The following KIF2C variants were observed in gnomAD, a reference collection of about 807,000 sequenced individuals.
The protein encoded by KIF2C is kinesin family member 2C.
In KIF2C, 34 loss-of-function variants were observed where a neutral mutation model predicts 97.4. The observed-to-expected ratio is 0.35, with a 90% confidence interval of 0.27 to 0.46. The LOEUF is 0.46. Among genes scored for constraint, KIF2C ranks in the 20% least tolerant of loss-of-function variants. The pLI is 1.00. For synonymous variants in KIF2C, 313 were observed against 318.2 expected (o/e 0.98, Z 0.17); for missense variants, 750 against 907.6 (o/e 0.83, Z 2.23).
At chr1:44,762,253 G>T in intron 17 of KIF2C, 93 bp from the exon 18 acceptor site, 1 of 1,176,094 alleles carries the variant, frequency 8.5e-7, no homozygotes, top group Non-Finnish European at 1.3e-6. Flanking sequence ...CCATCCCCTT[G>T]GAGCCTCAAG....
At chr1:44,755,515 C>T (rs1305820301) in intron 8 of KIF2C, among the ~76,000 whole-genome samples, 2 of 151,826 alleles carry the variant, frequency 1.3e-5, no homozygotes, top group African/African-American at 2.4e-5. Context: ...CTGCCCACCT[C>T]AGCCTCCCAA....
chr1:44,746,798 T>A (rs1420534938), intron 2 of KIF2C: 10 of 1,579,760 alleles, frequency 6.3e-6, no homozygotes, highest in African/African-American at 1.3e-5. Flanking sequence ...GTTTTATAGC[T>A]ATTCATACTT....
At position 44,762,451 on chromosome 1, in the gene KIF2C, T is replaced by C. The variant is rs768166996; in HGVS notation, c.1857T>C (p.Asn619=). The change falls in exon 18 of 21, where the codon AAT becomes AAC. Residue 619 remains asparagine (N), a splice_region_variant and synonymous_variant. Coordinates refer to ENST00000372224, the MANE Select transcript of KIF2C (RefSeq NM_006845.4). ...ACSNGALIPG[N]LSKEEEELSS... is the part of the protein sequence containing the mutation. ...CTAACGGGGCGCTGATTCCAGGCAA[T>C]GTAAGGACCAGGATGCGGCCAAGCA... 13 of 1,613,870 alleles carry C rather than the reference T, an allele frequency of 8.1e-6. No individual in the cohort carries two copies. The highest frequency in any genetic ancestry group is 1.0e-5 in the Non-Finnish European group (12 of 1,179,874).
At position 44,756,127 on chromosome 1, in the gene KIF2C, C is replaced by T. The variant is rs1472487305; in HGVS notation, c.867C>T (p.Leu289=). Reference sequence around the variant, plus strand: ...TTTCCATTCCTAGCAAGTGTCTCCTCTTGGTACATGAACCCAAGTTGAAAG... The same window carrying T: ...TTTCCATTCCTAGCAAGTGTCTCCTTTTGGTACATGAACCCAAGTTGAAAG... ...DVISIPSKCL[L]LVHEPKLKVD... Residue 289 remains leucine (L), a synonymous_variant, in exon 10 of 21, where the codon CTC becomes CTT. Transcript: ENST00000372224. 1.9e-6 allele frequency: 3 copies of T among 1,614,212 alleles called. No homozygotes were observed. The highest frequency in any genetic ancestry group is 2.5e-6 in the Non-Finnish European group (3 of 1,180,036).
intron 5 of KIF2C, 39 bp from the exon 6 acceptor site, chr1:44,753,093 T>C: frequency 6.3e-7 from 1 of 1,591,594 alleles, no homozygotes; most frequent in Non-Finnish European, 8.6e-7. Flanking sequence ...GCCTGTGGTA[T>C]ACTTGCCTGC....
chr1:44,742,963 T>A (rs1649010639), intron 2 of KIF2C, among the ~76,000 whole-genome samples: 1 of 152,154 alleles, frequency 6.6e-6, no homozygotes, highest in African/African-American at 2.4e-5. Flanking sequence ...TTGCTGAGAA[T>A]GGGCTGGGCT....
In KIF2C at chr1:44,764,477, T is replaced by C. The variant is rs546517659; in HGVS notation, c.1971+1819T>C. 2.1e-5 allele frequency among the ~76,000 whole-genome samples: 3 copies of C among 144,828 alleles called. No individual in the cohort carries two copies. The East Asian group carries it at 6.3e-4, about 31-fold the overall frequency. On this transcript the variant is annotated intron_variant, in intron 19 of 20. Coordinates refer to ENST00000372224, the MANE Select transcript of KIF2C (RefSeq NM_006845.4). Reference sequence around the variant, plus strand: ...CAGGTGTGAGCCACCATGCCCAGCCTATATATCTGGTTGGTTTTTGTTTGT... The same window carrying C: ...CAGGTGTGAGCCACCATGCCCAGCCCATATATCTGGTTGGTTTTTGTTTGT...
intron 4 of KIF2C, among the ~76,000 whole-genome samples, chr1:44,748,743 C>T (rs1573556253): frequency 1.4e-5 from 2 of 139,848 alleles, no homozygotes; most frequent in South Asian, 4.5e-4. Context: ...GACAAGGTCT[C>T]ACTATGTTGC....
In KIF2C at chr1:44,765,051, C is replaced by A. The variant is rs562132642; in HGVS notation, c.1972-1775C>A. Among the ~76,000 whole-genome samples the A allele has an allele frequency of 8.5e-5, 13 of 152,090 alleles. No individual in the cohort carries two copies. In the East Asian group the frequency reaches 2.3e-3, roughly 27 times the overall value. On this transcript the variant is annotated intron_variant, in intron 19 of 20. Coordinates refer to ENST00000372224, the MANE Select transcript of KIF2C (RefSeq NM_006845.4). ...AGGAGAATCACTTGAGCCCAGGAGG[C>A]GAAGGTTATAGTGAGCCGAGATGGT... is the stretch of plus-strand genomic sequence containing the variant.
intron 1 of KIF2C, 24 bp downstream of exon 1, chr1:44,740,026 A>T: frequency 1.2e-6 from 2 of 1,614,042 alleles, no homozygotes; most frequent in Non-Finnish European, 8.5e-7. Flanking sequence ...TCCCTAGGTC[A>T]AGGGGACTCG....
intron 10 of KIF2C, among the ~76,000 whole-genome samples, chr1:44,757,182 G>T (rs1383624624): frequency 6.6e-6 from 1 of 152,176 alleles, no homozygotes; most frequent in Non-Finnish European, 1.5e-5. Context: ...CTCCCAAAGT[G>T]CTGGGATTAC....
At chr1:44,745,961 C>T (rs1649173762) in intron 2 of KIF2C, among the ~76,000 whole-genome samples, 1 of 152,122 alleles carries the variant, frequency 6.6e-6, no homozygotes, top group Non-Finnish European at 1.5e-5. Context: ...ACTGCAAGCT[C>T]CGCCTCCTGG....
rs747873946 is a variant in KIF2C at position 44,739,863 on chromosome 1, A to G, written c.-70A>G. ...AACTGCGGCGGTTTACGCGGCGTTAAGACTTCGTAGGGTTAGCGAAATTGA... is the reference window on the plus strand; with the variant it reads ...AACTGCGGCGGTTTACGCGGCGTTAGGACTTCGTAGGGTTAGCGAAATTGA... On this transcript the variant is annotated 5_prime_UTR_variant, in exon 1 of 21. Coordinates refer to ENST00000372224, the MANE Select transcript of KIF2C (RefSeq NM_006845.4). 26 of 1,419,018 alleles carry G rather than the reference A, an allele frequency of 1.8e-5. No individual in the cohort carries two copies. The highest frequency in any genetic ancestry group is 1.8e-4 in the Middle Eastern group (1 of 5,710). 87.9% of individuals were successfully genotyped at this position (1,419,018 alleles called of 1,614,324 possible).
chr1:44,767,199 G>A lies in KIF2C; in HGVS notation c.*20G>A, dbSNP rs1650518205. 1 of 1,611,406 alleles carries A rather than the reference G, an allele frequency of 6.2e-7. No individual in the cohort carries two copies. Among genetic ancestry groups the A allele is most frequent in the African/African-American group, 1.3e-5 (1 of 75,006 alleles). On this transcript the variant is annotated 3_prime_UTR_variant, in exon 21 of 21. Coordinates refer to ENST00000372224, the MANE Select transcript of KIF2C (RefSeq NM_006845.4). Reference sequence around the variant, plus strand: ...CAGTGACGACTGCAAATAAAAATCTGTTTGGTTTGACACCCAGCCTCTTCC... The same window carrying A: ...CAGTGACGACTGCAAATAAAAATCTATTTGGTTTGACACCCAGCCTCTTCC...
In KIF2C at chr1:44,760,348, G is replaced by A. The variant is rs755097249; in HGVS notation, c.1436G>A (p.Arg479Gln). The A allele has an allele frequency of 5.6e-6, 9 of 1,614,034 alleles. No homozygotes were observed. The African/African-American group carries it at 8.0e-5, about 14-fold the overall frequency. ...CACGCGTGCTTCCAAATTATTCTTC[G>A]AGCTAAAGGGAGAATGCATGGCAAG... is the stretch of plus-strand genomic sequence containing the variant. ...RSHACFQIIL[R>Q]AKGRMHGKFS... The change falls in exon 15 of 21, where the codon CGA becomes CAA. Residue 479 changes from arginine to glutamine, a missense_variant. By Grantham distance (43) the Arg-to-Gln change is conservative (BLOSUM62 1). Coordinates refer to ENST00000372224, the MANE Select transcript of KIF2C (RefSeq NM_006845.4). This position sits in a 1 kb window ranked among gnomAD's most constrained non-coding sequence, Gnocchi z 4.2.
At position 44,751,489 on chromosome 1, in the gene KIF2C, C is replaced by T. The variant is rs921933819; in HGVS notation, c.439+925C>T. ...GGGATTACAGGCGTGAGCCACCTCG[C>T]CCAGCCCTCTTTTTGTACTTTTTTT... is the stretch of plus-strand genomic sequence containing the variant. On this transcript the variant is annotated intron_variant, in intron 5 of 20. Transcript: ENST00000372224. 3.7e-4 allele frequency among the ~76,000 whole-genome samples: 56 copies of T among 151,236 alleles called. 1 individual carries two copies. The highest frequency in any genetic ancestry group is 1.3e-3 in the African/African-American group (53 of 41,216).
chr1:44,760,817 C>G lies in KIF2C; in HGVS notation c.1683+115C>G. 1 of 799,580 alleles carries G rather than the reference C, an allele frequency of 1.3e-6. No homozygotes were observed. The highest frequency in any genetic ancestry group is 2.1e-6 in the Non-Finnish European group (1 of 482,010). 49.5% of individuals were successfully genotyped at this position (799,580 alleles called of 1,614,324 possible). A position where few individuals can be genotyped will look rare whatever the true frequency, so the allele number is the denominator to read the frequency against. On this transcript the variant is annotated intron_variant, in intron 16 of 20. Transcript: ENST00000372224. The surrounding 1 kb of genome is among the most constrained non-coding windows in gnomAD (Gnocchi z 4.2). ...TCAGCACTGCTGGCTGCCTGGGTTT[C>G]CAGGCTGTACCGTGACTGGGCTTCC...
At chr1:44,751,944 C>G (rs1187928834) in intron 5 of KIF2C, among the ~76,000 whole-genome samples, 1 of 147,732 alleles carries the variant, frequency 6.8e-6, no homozygotes, top group Non-Finnish European at 1.5e-5. Flanking sequence ...GGCTCAGCCT[C>G]CCGAGTAGCT....
intron 17 of KIF2C, 114 bp from the exon 18 acceptor site, chr1:44,762,232 A>G: frequency 9.8e-7 from 1 of 1,019,828 alleles, no homozygotes; most frequent in South Asian, 1.3e-5. Context: ...GCTGAAGGCA[A>G]GGTTGCCATT....
Sources: gnomAD v4.1 joint callset for allele counts (sites outside exome capture counted in the v4.1 genomes callset) on GRCh38, gnomAD v4.1.1 for gene constraint, Gnocchi (gnomAD v3.1) non-coding constraint, MANE v1.5 for transcripts, NCBI Gene and HGNC (gene_info 2026-07-23, HGNC 2026-07-21) for gene names.